STK3: variants seen among roughly 807,000 people sequenced by gnomAD.
STK3 encodes serine/threonine kinase 3, also known as serine/threonine-protein kinase 3.
In STK3, 41 loss-of-function variants were observed where a neutral mutation model predicts 58.0. The observed-to-expected ratio is 0.71, with a 90% CI of 0.55 to 0.92. The LOEUF is 0.92. STK3 is among the 40% of genes least tolerant of loss of function. The pLI is 0.00. For synonymous variants in STK3, 170 were observed against 191.0 expected (o/e 0.89, Z 0.91); for missense variants, 479 against 602.7 (o/e 0.79, Z 2.15).
intron 1 of STK3, among the ~76,000 whole-genome samples, chr8:98,447,975 TAATAATAATA>T (rs1467388734): frequency 2.1e-5 from 3 of 145,616 alleles, no homozygotes; most frequent in Non-Finnish European, 3.0e-5. Flanking sequence ...ATAATAATAA[TAATAATAATA>T]AAGCAATATA....
intron 4 of STK3, among the ~76,000 whole-genome samples, chr8:98,747,848 T>A (rs576075503): frequency 1.3e-5 from 2 of 152,172 alleles, no homozygotes; most frequent in African/African-American, 4.8e-5. Flanking sequence ...GTAACAACTA[T>A]GTTATTCCAA....
At chr8:98,369,332 C>A (rs1029737818), downstream of STK3, among the ~76,000 whole-genome samples, 8 of 152,158 alleles carry the variant, frequency 5.3e-5, no homozygotes, top group African/African-American at 1.9e-4. Flanking sequence ...CAACTAAGTT[C>A]TTTTACTATT....
intron 6 of STK3, among the ~76,000 whole-genome samples, chr8:98,618,540 G>T (rs1458452452): frequency 2.7e-5 from 4 of 150,252 alleles, no homozygotes; most frequent in Non-Finnish European, 5.9e-5. Context: ...GTTTGCAGAC[G>T]ACATGATTGT....
chr8:98,861,344 A>ATT lies in STK3; in HGVS notation c.110+22301_110+22302dup, dbSNP rs772895902. Among the ~76,000 whole-genome samples the ATT allele has an allele frequency of 4.6e-3, 398 of 85,898 alleles. 29 individuals carry two copies. The highest frequency in any genetic ancestry group is 0.016 in the African/African-American group (335 of 20,816). The allele number at this position is 85,898 out of a possible 152,430, so 56.4% of individuals were successfully genotyped here. A position where few individuals can be genotyped will look rare whatever the true frequency, so the allele number is the denominator to read the frequency against. ...TATTCTTAGGGCTTTGTTTCTTTGG[A>ATT]TTTTTTTTTTTTTTTTTTTTTTTTT... On this transcript the variant is annotated intron_variant, in intron 3 of 12. Coordinates refer to the STK3 transcript ENST00000523601.
intron 3 of STK3, among the ~76,000 whole-genome samples, chr8:98,407,111 T>A (rs1409955682): frequency 6.6e-6 from 1 of 152,190 alleles, no homozygotes; most frequent in Non-Finnish European, 1.5e-5. Context: ...AAATAAGAGA[T>A]GTTTATCCAG....
chr8:98,396,382 G>T (rs921579646), intron 3 of STK3, among the ~76,000 whole-genome samples: 1 of 152,226 alleles, frequency 6.6e-6, no homozygotes, highest in South Asian at 2.1e-4. Context: ...TGTCTACTGG[G>T]AGATGGGGTG....
intron 3 of STK3, among the ~76,000 whole-genome samples, chr8:98,837,449 A>T (rs985835744): frequency 1.3e-5 from 2 of 152,162 alleles, no homozygotes; most frequent in African/African-American, 2.4e-5. Context: ...CAAGGAGAAA[A>T]AACGTTTCCT....
At chr8:98,647,065 T>C (rs1362730256) in intron 6 of STK3, among the ~76,000 whole-genome samples, 1 of 152,178 alleles carries the variant, frequency 6.6e-6, no homozygotes, top group African/African-American at 2.4e-5. Context: ...CCTCCCTTAC[T>C]TCCTGTCTTT....
chr8:98,618,204 G>C (rs1163533243), intron 6 of STK3, among the ~76,000 whole-genome samples: 1 of 151,576 alleles, frequency 6.6e-6, no homozygotes, highest in African/African-American at 2.4e-5. Flanking sequence ...CAGAGCCAAA[G>C]ACAAAAACCA....
At chr8:98,506,557 T>A (rs1824097946) in intron 10 of STK3, among the ~76,000 whole-genome samples, 1 of 151,930 alleles carries the variant, frequency 6.6e-6, no homozygotes, top group Non-Finnish European at 1.5e-5. Flanking sequence ...CTACTAATAA[T>A]AAAATTAGCC....
chr8:98,669,702 A>T (rs759752137), intron 6 of STK3, among the ~76,000 whole-genome samples: 1 of 152,216 alleles, frequency 6.6e-6, no homozygotes, highest in Non-Finnish European at 1.5e-5. Context: ...AACAGAATCA[A>T]GCAACATGTT....
chr8:98,727,693 C>A (rs910601258), intron 4 of STK3, among the ~76,000 whole-genome samples: 5 of 152,074 alleles, frequency 3.3e-5, no homozygotes, highest in Non-Finnish European at 7.4e-5. Flanking sequence ...CAATAATTGG[C>A]GGAAAGAAAA....
In STK3 at chr8:98,428,905, C is replaced by T. The variant is rs1489452208; in HGVS notation, n.483+5222G>A. On this transcript the variant is annotated intron_variant and non_coding_transcript_variant, in intron 3 of 3. Transcript: ENST00000517832. The surrounding 1 kb of genome is among the most constrained non-coding windows in gnomAD (Gnocchi z 6.7). The stretch of plus-strand genomic sequence containing the variant: ...CGGATCTTCCGCATCTTAAAGCTGG[C>T]CAGGCACTCCACTGGCCTCCGCTCC... 9 of 1,614,174 alleles carry T rather than the reference C, an allele frequency of 5.6e-6. No individual in the cohort carries two copies. Among genetic ancestry groups the T allele is most frequent in the East Asian group, 2.2e-5 (1 of 44,870 alleles).
intron 1 of STK3, among the ~76,000 whole-genome samples, chr8:98,888,607 T>G (rs1191650828): frequency 6.6e-6 from 1 of 152,234 alleles, no homozygotes; most frequent in East Asian, 1.9e-4. Flanking sequence ...TGGTAGCAAC[T>G]GCATCCTTGA....
intron 4 of STK3, among the ~76,000 whole-genome samples, chr8:98,710,310 A>G (rs1157985778): frequency 6.6e-6 from 1 of 152,172 alleles, no homozygotes; most frequent in Non-Finnish European, 1.5e-5. Context: ...CAGTGGGTAC[A>G]GTGCACTGAG....
intron 6 of STK3, among the ~76,000 whole-genome samples, chr8:98,701,237 AAAG>A (rs1168822851): frequency 6.6e-6 from 1 of 152,040 alleles, no homozygotes; most frequent in Non-Finnish European, 1.5e-5. Flanking sequence ...AGTAAAGAGA[AAAG>A]AAAAGAAAGA....
At chr8:98,713,660 A>G (rs533577952) in intron 4 of STK3, among the ~76,000 whole-genome samples, 2 of 152,328 alleles carry the variant, frequency 1.3e-5, no homozygotes, top group African/African-American at 4.8e-5. Context: ...AAAAAACTCC[A>G]GGACCAAAAG....
chr8:98,455,600 T>C lies in STK3; in HGVS notation c.*242A>G, dbSNP rs974325090. ...CATTTCATAACAGTTTTATTACTGGTATGCAGCTGACAGAACAAGAGAATA... is the reference window on the plus strand; with the variant it reads ...CATTTCATAACAGTTTTATTACTGGCATGCAGCTGACAGAACAAGAGAATA... On this transcript the variant is annotated 3_prime_UTR_variant, in exon 11 of 11. Coordinates refer to ENST00000419617, the MANE Select transcript of STK3 (RefSeq NM_006281.4). 100 of 516,514 alleles carry C rather than the reference T, an allele frequency of 1.9e-4. No individual in the cohort carries two copies. The highest frequency in any genetic ancestry group is 1.7e-3 in the South Asian group (70 of 42,358). 32.0% of individuals were successfully genotyped at this position (516,514 alleles called of 1,614,324 possible).
At chr8:98,498,027 G>C (rs1205497960) in intron 10 of STK3, among the ~76,000 whole-genome samples, 6 of 152,216 alleles carry the variant, frequency 3.9e-5, no homozygotes, top group African/African-American at 1.4e-4. Context: ...GGAATAAAGT[G>C]TTATCTGCAC....
Sources: gnomAD v4.1 joint callset for allele counts (sites outside exome capture counted in the v4.1 genomes callset) on GRCh38, gnomAD v4.1.1 for gene constraint, Gnocchi (gnomAD v3.1) non-coding constraint, MANE v1.5 for transcripts, NCBI Gene and HGNC (gene_info 2026-07-23, HGNC 2026-07-21) for gene names.